UPK1A: variants seen among roughly 807,000 people sequenced by gnomAD.
UPK1A encodes the protein uroplakin-1a.
A neutral mutation model predicts 32.3 loss-of-function variants in UPK1A; 31 were observed. That is an observed-to-expected ratio of 0.96 (90% CI 0.72 to 1.30). The LOEUF (loss-of-function observed/expected upper bound fraction) is 1.30, where lower values mean the gene tolerates loss of function less well. UPK1A is among the 50% of genes most tolerant of loss of function. The probability of loss-of-function intolerance (pLI) is 0.00; values close to 1 mark genes in which losing one functional copy is unlikely to be tolerated. For missense variants in UPK1A, 340 were observed against 357.4 expected (o/e 0.95, Z 0.39); for synonymous variants, 135 against 137.1 (o/e 0.98, Z 0.11).
intron 3 of UPK1A, among the ~76,000 whole-genome samples, chr19:35,670,092 C>T (rs1023694389): frequency 1.3e-5 from 2 of 152,138 alleles, no homozygotes; most frequent in Admixed American, 1.3e-4. Context: ...AAAGCAAAGA[C>T]CTAGAGGCAC....
chr19:35,669,496 C>A (rs1968052435), intron 3 of UPK1A, among the ~76,000 whole-genome samples: 2 of 133,706 alleles, frequency 1.5e-5, no homozygotes, highest in Admixed American at 1.5e-4. Context: ...GAAATCCCAT[C>A]TCTAAAAAAA....
At chr19:35,677,050 C>T (rs569552842) in intron 6 of UPK1A, among the ~76,000 whole-genome samples, 1 of 151,782 alleles carries the variant, frequency 6.6e-6, no homozygotes, top group Non-Finnish European at 1.5e-5. Context: ...ATCAAGACCC[C>T]GTCTCTACAA....
intron 3 of UPK1A, among the ~76,000 whole-genome samples, chr19:35,669,783 C>T (rs1968057731): frequency 1.3e-5 from 2 of 152,190 alleles, no homozygotes; most frequent in South Asian, 2.1e-4. Context: ...GGCTAACAGC[C>T]TCTCCCAGGT....
Position 35,673,191 on chromosome 19 carries a change from C to A in UPK1A, c.286-41C>A. ...GCTTCCCTGACGGGGTGTGGCTTCA[C>A]GGGCTCTGCCCGACGGGCCGTCCTC... On this transcript the variant is annotated intron_variant, in intron 3 of 7. Transcript: ENST00000617999. The A allele has an allele frequency of 2.5e-6, 4 of 1,603,410 alleles. No homozygotes were observed. The Admixed American group carries it at 6.7e-5, about 27-fold the overall frequency.
intron 5 of UPK1A, among the ~76,000 whole-genome samples, chr19:35,674,242 T>G (rs1478281951): frequency 3.2e-5 from 3 of 93,226 alleles, no homozygotes; most frequent in Non-Finnish European, 6.7e-5. Flanking sequence ...TCTTTTTATC[T>G]TTTTTTTTTT....
intron 5 of UPK1A, among the ~76,000 whole-genome samples, chr19:35,674,371 C>T (rs576165067): frequency 2.0e-5 from 3 of 151,700 alleles, no homozygotes; most frequent in African/African-American, 7.3e-5. Flanking sequence ...CTCAGCCTCC[C>T]GAATAGCTGG....
rs375310334 is a variant in UPK1A at position 35,666,775 on chromosome 19, C to T, written c.-4-34C>T. 232 of 1,609,682 alleles carry T rather than the reference C, an allele frequency of 1.4e-4. 2 individuals are homozygous for T. Among genetic ancestry groups the T allele is most frequent in the South Asian group, 1.1e-3 (102 of 90,928 alleles). On this transcript the variant is annotated intron_variant, in intron 1 of 7. Coordinates refer to ENST00000617999, the Ensembl canonical transcript of UPK1A. ...GATGGGGGGTCCGGCTGGCCCTTTACGCTCCTGGCCTCATCCCTGCTCATG... is the reference window on the plus strand; with the variant it reads ...GATGGGGGGTCCGGCTGGCCCTTTATGCTCCTGGCCTCATCCCTGCTCATG...
chr19:35,674,367 C>T (rs922740884), intron 5 of UPK1A, among the ~76,000 whole-genome samples: 1 of 151,354 alleles, frequency 6.6e-6, no homozygotes, highest in Non-Finnish European at 1.5e-5. Context: ...CTGCCTCAGC[C>T]TCCCGAATAG....
exon 7 of UPK1A, chr19:35,677,828 T>G: frequency 6.2e-7 from 1 of 1,611,694 alleles, no homozygotes; most frequent in Non-Finnish European, 8.5e-7. Flanking sequence ...TTCGAACACA[T>G]CGGCCACGCC....
At chr19:35,678,025 A>T in exon 8 of UPK1A, 1 of 1,576,050 alleles carries the variant, frequency 6.3e-7, no homozygotes, top group Non-Finnish European at 8.6e-7. Context: ...TCTGAGGGAC[A>T]GGAGGGGAAG....
Position 35,675,933 on chromosome 19 carries a change from C to T in UPK1A, c.562C>T (p.Pro188Ser), listed in dbSNP as rs779704385. 4.3e-6 allele frequency: 7 copies of T among 1,614,000 alleles called. No individual in the cohort carries two copies. In the Admixed American group the frequency reaches 1.0e-4, roughly 23 times the overall value. ...TCCGGAGGTGGTGTTCCCCTGGCCC[C>T]CACTGTGCTGTCGCCGGACGGGAAA... Residue 188 changes from proline to serine, a missense_variant, in exon 6 of 8, where the codon CCA becomes TCA. Physicochemically the swap from Pro to Ser is moderately conservative, Grantham distance 74 (BLOSUM62 -1). Coordinates refer to ENST00000617999, the Ensembl canonical transcript of UPK1A.
chr19:35,673,105 T>C (rs1008672741), intron 3 of UPK1A, 127 bp from the exon 4 acceptor site: 2 of 797,440 alleles, frequency 2.5e-6, no homozygotes, highest in African/African-American at 1.7e-5. Flanking sequence ...CCACCACATA[T>C]TATAGATGCT....
chr19:35,673,697 T>G, intron 5 of UPK1A, 152 bp downstream of exon 5: 2 of 685,946 alleles, frequency 2.9e-6, no homozygotes, highest in Non-Finnish European at 4.8e-6. Context: ...TCATCACCGT[T>G]CTGCGGATGA....
chr19:35,667,194 G>T (rs1463591758), intron 2 of UPK1A, among the ~76,000 whole-genome samples: 3 of 152,182 alleles, frequency 2.0e-5, no homozygotes, highest in African/African-American at 7.2e-5. Flanking sequence ...ACCAATGCTG[G>T]CTATCACCAT....
intron 5 of UPK1A, among the ~76,000 whole-genome samples, chr19:35,674,556 C>A (rs9973289): frequency 0.082 from 12,492 of 151,842 alleles, 589 homozygotes; most frequent in South Asian, 0.2. Context: ...ACTTTTAAAG[C>A]TTTTTTAATC....
intron 3 of UPK1A, among the ~76,000 whole-genome samples, chr19:35,671,281 G>A (rs1321191361): frequency 6.7e-6 from 1 of 148,974 alleles, no homozygotes; most frequent in African/African-American, 2.5e-5. Flanking sequence ...CAGCTACTCG[G>A]GAGGCTGAGG....
rs2146386470 is a variant in UPK1A at position 35,673,315 on chromosome 19, G to C, written c.360+9G>C. On this transcript the variant is annotated intron_variant, in intron 4 of 7. Transcript: ENST00000617999. ...ACACCCACCGTGACTACGTGAGCCC[G>C]GCGAGGCCTGGGGAGGGGCCTGACC... is the stretch of plus-strand genomic sequence containing the variant. 2 of 1,613,928 alleles carry C rather than the reference G, an allele frequency of 1.2e-6. No homozygotes were observed. Among genetic ancestry groups the C allele is most frequent in the East Asian group, 2.2e-5 (1 of 44,860 alleles).
chr19:35,668,570 C>T, exon 3 of UPK1A: 1 of 1,614,142 alleles, frequency 6.2e-7, no homozygotes, highest in East Asian at 2.2e-5. Context: ...CCTGGATTGC[C>T]ATCTTCTGCG....
intron 6 of UPK1A, 73 bp from the exon 7 acceptor site, chr19:35,677,739 C>G (rs545043230): frequency 1.9e-6 from 3 of 1,569,104 alleles, no homozygotes; most frequent in South Asian, 2.3e-5. Flanking sequence ...TTCCCAAGGG[C>G]GCACAGTGAC....
Sources: gnomAD v4.1 joint callset for allele counts (sites outside exome capture counted in the v4.1 genomes callset) on GRCh38, gnomAD v4.1.1 for gene constraint, MANE v1.5 for transcripts, NCBI Gene and HGNC (gene_info 2026-07-23, HGNC 2026-07-21) for gene names.